The following MPHOSPH8 variants were observed in gnomAD, a reference collection of about 807,000 sequenced individuals.
MPHOSPH8 encodes the protein M-phase phosphoprotein, mpp.
MPHOSPH8 carries 45 observed loss-of-function variants against 87.3 expected under a neutral mutation model. The ratio of observed to expected loss-of-function variants is 0.52; its 90% CI spans 0.41 to 0.66. The LOEUF is 0.66. MPHOSPH8 is among the 30% of genes least tolerant of loss of function. The probability of loss-of-function intolerance (pLI) is 0.00; values close to 1 mark genes in which losing one functional copy is unlikely to be tolerated. For missense variants in MPHOSPH8, 883 were observed against 1,020.2 expected (o/e 0.87, Z 1.83); for synonymous variants, 366 against 376.9 (o/e 0.97, Z 0.33).
At chr13:19,634,036 G>T in intron 1 of MPHOSPH8, 75 bp downstream of exon 1, 3 of 1,464,780 alleles carry the variant, frequency 2.0e-6, no homozygotes, top group Non-Finnish European at 2.8e-6. Flanking sequence ...GCTGGAAACA[G>T]CACGGGCAGA....
intron 2 of MPHOSPH8, 70 bp downstream of exon 2, chr13:19,642,340 G>A (rs1874340868): frequency 1.6e-6 from 2 of 1,269,916 alleles, no homozygotes; most frequent in African/African-American, 3.1e-5. Flanking sequence ...CTCAAAGTAT[G>A]TGTAGTAAAT....
In MPHOSPH8 at chr13:19,646,918, T is replaced by C; in HGVS notation, c.845T>C (p.Leu282Pro). ...SPFPEDDSEGLHSDSREEKQN... is the reference protein window; with the variant it reads ...SPFPEDDSEGPHSDSREEKQN... ...TTTCCAGAGGATGACAGTGAAGGGC[T>C]ACATTCCGACAGCAGAGAAGAGAAA... Residue 282 changes from leucine (L) to proline (P), a missense_variant, in exon 3 of 14, where the codon CTA becomes CCA. This residue lies in a region of MPHOSPH8 where 741 missense variants were observed against 841.5 expected (regional missense o/e 0.88). Transcript: ENST00000361479. 1.2e-6 allele frequency: 2 copies of C among 1,601,198 alleles called. No individual in the cohort carries two copies. The highest frequency in any genetic ancestry group is 1.7e-6 in the Non-Finnish European group (2 of 1,177,096).
At chr13:19,670,872 G>A (rs1453792337) in intron 12 of MPHOSPH8, 5 of 1,087,864 alleles carry the variant, frequency 4.6e-6, no homozygotes, top group Non-Finnish European at 5.0e-6. Context: ...AGGCTGGAGT[G>A]CAGTGGCGCG....
Position 19,633,903 on chromosome 13 carries a change from A to T in MPHOSPH8, c.155A>T (p.Glu52Val). ...ARGAEAFGDS[E>V]EDGEDVFEVE... ...GGAGCGGAGGCCTTTGGCGACAGTG[A>T]GGAGGACGGAGAGGATGTGTTCGAG... Residue 52 changes from glutamate (E) to valine (V), a missense_variant, in exon 1 of 14, where the codon GAG becomes GTG. Physicochemically the swap from Glu to Val is moderately radical, Grantham distance 121. Coordinates refer to ENST00000361479, the MANE Select transcript of MPHOSPH8 (RefSeq NM_017520.4). 6.2e-7 allele frequency: 1 copy of T among 1,611,692 alleles called. No homozygotes were observed.
intron 5 of MPHOSPH8, among the ~76,000 whole-genome samples, chr13:19,653,169 C>T (rs1409530753): frequency 6.6e-6 from 1 of 152,208 alleles, no homozygotes; most frequent in Non-Finnish European, 1.5e-5. Flanking sequence ...ACAGACGCCT[C>T]ATACAGGAGA....
At position 19,661,794 on chromosome 13, in the gene MPHOSPH8, C is replaced by T. The variant is rs202022149; in HGVS notation, c.1888C>T (p.Arg630Trp). The T allele has an allele frequency of 8.7e-6, 14 of 1,613,198 alleles. No homozygotes were observed. The highest frequency in any genetic ancestry group is 6.7e-5 in the African/African-American group (5 of 74,844). ...LITKGAKVNG[R>W]QKNGTTALIH... ...CACAAAAGGCGCGAAAGTGAACGGT[C>T]GGCAGAAGAACGGGACCACCGCCCT... The change falls in exon 8 of 14, where the codon CGG becomes TGG. Residue 630 changes from arginine to tryptophan, a missense_variant. Physicochemically the swap from Arg to Trp is moderately radical, Grantham distance 101 (BLOSUM62 -3). Coordinates refer to ENST00000361479, the MANE Select transcript of MPHOSPH8 (RefSeq NM_017520.4).
chr13:19,659,993 G>A (rs184655705), intron 7 of MPHOSPH8, among the ~76,000 whole-genome samples: 2,885 of 123,766 alleles, frequency 0.023, 30 homozygotes, highest in Middle Eastern at 0.11. Context: ...ACAGTGTCTC[G>A]CTCTGTTGCC....
At chr13:19,634,475 A>G (rs571732152) in intron 1 of MPHOSPH8, among the ~76,000 whole-genome samples, 5 of 152,188 alleles carry the variant, frequency 3.3e-5, no homozygotes, top group East Asian at 1.9e-4. Flanking sequence ...TCTCTCCCCT[A>G]TGCGTTGTAT....
rs993488950 is a variant in MPHOSPH8 at position 19,673,353 on chromosome 13, G to A, written c.*1478G>A. On this transcript the variant is annotated 3_prime_UTR_variant, in exon 14 of 14. Coordinates refer to ENST00000361479, the MANE Select transcript of MPHOSPH8 (RefSeq NM_017520.4). ...TTAATGAAAACTTTTCAGAATTCAC[G>A]TTTGTGTAGATATTTCAGAGAACCA... 9.9e-5 allele frequency: 29 copies of A among 292,230 alleles called. No individual in the cohort carries two copies. Among genetic ancestry groups the A allele is most frequent in the South Asian group, 9.3e-4 (28 of 30,016 alleles). The allele number at this position is 292,230 out of a possible 1,614,324, so 18.1% of individuals were successfully genotyped here.
chr13:19,639,309 GTC>G (rs1230089987), intron 1 of MPHOSPH8, among the ~76,000 whole-genome samples: 3 of 147,116 alleles, frequency 2.0e-5, no homozygotes, highest in Non-Finnish European at 4.5e-5. Flanking sequence ...CCTCTGGAAT[GTC>G]TTTTTTTTTT....
At position 19,666,675 on chromosome 13, in the gene MPHOSPH8, AG is replaced by A. The variant is rs1327199909; in HGVS notation, c.2174+97del. 2.7e-6 allele frequency: 3 copies of A among 1,112,836 alleles called. No homozygotes were observed. The Admixed American group carries it at 7.2e-5, about 27-fold the overall frequency. 68.9% of individuals were successfully genotyped at this position (1,112,836 alleles called of 1,614,324 possible). A position where few individuals can be genotyped will look rare whatever the true frequency, so the allele number is the denominator to read the frequency against. On this transcript the variant is annotated intron_variant, in intron 10 of 13. Transcript: ENST00000361479. Reference sequence around the variant, plus strand: ...TGGAGTGGCCTGTGTGTAACTGCTCAGAAAAACATCCAGCACAAGTCCTGAT... The same window carrying A: ...TGGAGTGGCCTGTGTGTAACTGCTCAAAAAACATCCAGCACAAGTCCTGAT...
intron 1 of MPHOSPH8, among the ~76,000 whole-genome samples, chr13:19,638,269 C>T (rs1235523355): frequency 6.6e-6 from 1 of 151,962 alleles, no homozygotes; most frequent in Admixed American, 6.6e-5. Flanking sequence ...TATTGATGTA[C>T]TCTTAACTAT....
In MPHOSPH8 at chr13:19,672,563, G is replaced by A. The variant is rs1355721931; in HGVS notation, c.*688G>A. On this transcript the variant is annotated 3_prime_UTR_variant, in exon 14 of 14. Coordinates refer to ENST00000361479, the MANE Select transcript of MPHOSPH8 (RefSeq NM_017520.4). Reference sequence around the variant, plus strand: ...CATTTGCTTACAGCAAGGGAGCCATGTTATATTCAAGTTACCCAAGCACCA... The same window carrying A: ...CATTTGCTTACAGCAAGGGAGCCATATTATATTCAAGTTACCCAAGCACCA... The A allele has an allele frequency of 6.6e-6, 1 of 151,674 alleles. No individual in the cohort carries two copies. The highest frequency in any genetic ancestry group is 1.5e-5 in the Non-Finnish European group (1 of 68,242). The allele number at this position is 151,674 out of a possible 1,614,324, so 9.4% of individuals were successfully genotyped here. A position where few individuals can be genotyped will look rare whatever the true frequency, so the allele number is the denominator to read the frequency against.
chr13:19,668,327 T>C, intron 10 of MPHOSPH8, 50 bp from the exon 11 acceptor site: 13 of 1,553,174 alleles, frequency 8.4e-6, no homozygotes, highest in Non-Finnish European at 1.1e-5. Context: ...TCGACAGGCT[T>C]GTGGTTCTTT....
intron 5 of MPHOSPH8, among the ~76,000 whole-genome samples, chr13:19,652,087 G>A (rs1447884590): frequency 1.1e-4 from 16 of 152,172 alleles, no homozygotes; most frequent in Admixed American, 1.0e-3. Context: ...GGGCAACAGT[G>A]CGAGTCTCCA....
intron 7 of MPHOSPH8, among the ~76,000 whole-genome samples, chr13:19,660,313 G>C (rs812116): frequency 6.6e-6 from 1 of 151,934 alleles, no homozygotes; most frequent in Admixed American, 6.6e-5. Context: ...TTTCTCCCTA[G>C]ATTTTAGGTT....
chr13:19,650,029 G>T lies in MPHOSPH8; in HGVS notation c.1345G>T (p.Asp449Tyr), dbSNP rs1467905698. 3 of 1,598,254 alleles carry T rather than the reference G, an allele frequency of 1.9e-6. No individual in the cohort carries two copies. The highest frequency in any genetic ancestry group is 2.3e-5 in the South Asian group (2 of 88,464). The change falls in exon 5 of 14, where the codon GAT (aspartate) becomes TAT (tyrosine). Residue 449 changes from aspartate to tyrosine, a missense_variant. Asp to Tyr is a radical substitution (Grantham distance 160, BLOSUM62 -3). Around this residue, in one of 3 missense-constraint regions of MPHOSPH8, gnomAD observed 741 missense variants for 841.5 expected, o/e 0.88. Transcript: ENST00000361479. ...ACTTAAGGAAATCAGAAATGCATTT[G>T]ATTTATTTAAATTAACTCCAGAAGA... is the stretch of plus-strand genomic sequence containing the variant. Reference protein sequence around the residue: ...KTLKEIRNAFDLFKLTPEEKN... With the variant: ...KTLKEIRNAFYLFKLTPEEKN...
intron 2 of MPHOSPH8, among the ~76,000 whole-genome samples, chr13:19,642,685 TAA>T (rs75653621): frequency 0.016 from 2,254 of 142,080 alleles, 74 homozygotes; most frequent in African/African-American, 0.055. Context: ...GGACCTGGTT[TAA>T]AAAAAAAAAA....
intron 4 of MPHOSPH8, among the ~76,000 whole-genome samples, chr13:19,649,650 A>G (rs1490452573): frequency 6.6e-6 from 1 of 152,208 alleles, no homozygotes; most frequent in African/African-American, 2.4e-5. Context: ...ACATCCAGCT[A>G]TAGACAGTCT....
Sources: allele counts gnomAD v4.1 joint callset (sites outside exome capture counted in the v4.1 genomes callset), GRCh38; gene constraint gnomAD v4.1.1; regional missense constraint gnomAD v4.1.1; transcripts MANE v1.5; gene names NCBI Gene and HGNC (gene_info 2026-07-23, HGNC 2026-07-21).